The following TGM3 variants were observed in gnomAD, a reference collection of about 807,000 sequenced individuals.
TGM3 encodes the protein protein-glutamine gamma-glutamyltransferase E.
A neutral mutation model predicts 73.8 loss-of-function variants in TGM3; 52 were observed. That is an observed-to-expected ratio of 0.70 (90% CI 0.56 to 0.89). The LOEUF (loss-of-function observed/expected upper bound fraction) is 0.89. Ranked by LOEUF, TGM3 falls within the 40% of genes least tolerant of loss-of-function variation. The probability of loss-of-function intolerance (pLI) is 0.00; values close to 1 mark genes in which losing one functional copy is unlikely to be tolerated. For missense variants in TGM3, 928 were observed against 909.9 expected (o/e 1.02, Z -0.26); for synonymous variants, 372 against 354.9 (o/e 1.05, Z -0.54).
intron 5 of TGM3, among the ~76,000 whole-genome samples, chr20:2,315,567 A>T (rs214812): frequency 0.67 from 101,448 of 152,206 alleles, 37,894 homozygotes; most frequent in East Asian, 0.96. Context: ...CCATTCTCAT[A>T]GGCCTTGCCA....
intron 5 of TGM3, among the ~76,000 whole-genome samples, chr20:2,316,754 C>T (rs971540261): frequency 6.6e-6 from 1 of 152,130 alleles, no homozygotes; most frequent in African/African-American, 2.4e-5. Context: ...GAGTTGTGCC[C>T]TGCCTTGCCA....
intron 12 of TGM3, among the ~76,000 whole-genome samples, 190 bp from the exon 13 acceptor site, chr20:2,340,244 C>T (rs777576586): frequency 2.6e-5 from 4 of 152,188 alleles, no homozygotes; most frequent in Non-Finnish European, 4.4e-5. Flanking sequence ...GGACCCCCCC[C>T]TCCTGCTTCC....
chr20:2,309,159 G>A (rs536764752), intron 1 of TGM3, among the ~76,000 whole-genome samples: 10 of 152,318 alleles, frequency 6.6e-5, no homozygotes, highest in East Asian at 1.9e-4. Context: ...GATTACTGGC[G>A]TGAGCCACCA....
At position 2,311,191 on chromosome 20, in the gene TGM3, G is replaced by A. The variant is rs2084201830; in HGVS notation, c.540+62G>A. On this transcript the variant is annotated intron_variant, in intron 4 of 12. Coordinates refer to ENST00000381458, the MANE Select transcript of TGM3 (RefSeq NM_003245.4). ...TGTTACCCAAGAAGCTCAGCAGCTT[G>A]CCCCACAGATCAATGGGAAGTCCCA... 20 of 1,365,506 alleles carry A rather than the reference G, an allele frequency of 1.5e-5. No homozygotes were observed. The Admixed American group carries it at 2.2e-4, about 15-fold the overall frequency. 84.6% of individuals were successfully genotyped at this position (1,365,506 alleles called of 1,614,324 possible).
intron 7 of TGM3, among the ~76,000 whole-genome samples, chr20:2,320,684 C>G (rs772057347): frequency 1.3e-5 from 2 of 152,192 alleles, no homozygotes; most frequent in African/African-American, 4.8e-5. Context: ...GGAGTATTCA[C>G]TCTCTTCAGA....
chr20:2,332,163 G>C lies in TGM3; in HGVS notation c.1495G>C (p.Val499Leu), dbSNP rs966974324. The C allele has an allele frequency of 6.2e-7, 1 of 1,614,066 alleles. No homozygotes were observed. The highest frequency in any genetic ancestry group is 1.3e-5 in the African/African-American group (1 of 74,934). ...VAGMLAVGKEVNLVLLLKNLS... is the reference protein window; with the variant it reads ...VAGMLAVGKELNLVLLLKNLS... ...TGGCATGCTGGCAGTAGGCAAAGAAGTCAACCTGGTCCTACTGCTCAAAAA... is the reference window on the plus strand; with the variant it reads ...TGGCATGCTGGCAGTAGGCAAAGAACTCAACCTGGTCCTACTGCTCAAAAA... The change falls in exon 10 of 13, where the codon GTC (valine) becomes CTC (leucine). Residue 499 changes from valine (V) to leucine (L), a missense_variant. Val to Leu is a conservative substitution (Grantham distance 32). Coordinates refer to ENST00000381458, the MANE Select transcript of TGM3 (RefSeq NM_003245.4). This position sits in a 1 kb window ranked among gnomAD's most constrained non-coding sequence, Gnocchi z 4.4.
At position 2,317,182 on chromosome 20, in the gene TGM3, A is replaced by C. The variant is rs2084238898; in HGVS notation, c.784A>C (p.Lys262Gln). The stretch of plus-strand genomic sequence containing the variant: ...CGTGGAGATCCTCAAAAATTGGAAA[A>C]AATCTGGCTTCAGCCCAGTCCGATA... Reference protein sequence around the residue: ...GSVEILKNWKKSGFSPVRYGQ... With the variant: ...GSVEILKNWKQSGFSPVRYGQ... The change falls in exon 6 of 13, where the codon AAA becomes CAA. Residue 262 changes from lysine to glutamine, a missense_variant. Physicochemically the swap from Lys to Gln is moderately conservative, Grantham distance 53. Transcript: ENST00000381458. The C allele has an allele frequency of 1.9e-6, 3 of 1,614,010 alleles. No homozygotes were observed. The highest frequency in any genetic ancestry group is 2.5e-6 in the Non-Finnish European group (3 of 1,180,032).
rs1180522699 is a variant in TGM3, at chr20:2,340,922, A to C, written c.*341A>C. 1 of 488,402 alleles carries C rather than the reference A, an allele frequency of 2.0e-6. No individual in the cohort carries two copies. The highest frequency in any genetic ancestry group is 2.3e-5 in the Admixed American group (1 of 43,446). The allele number at this position is 488,402 out of a possible 1,614,324, so 30.3% of individuals were successfully genotyped here. On this transcript the variant is annotated 3_prime_UTR_variant, in exon 13 of 13. Transcript: ENST00000381458. ...CCCAGGGACTCTCCAAACGGGATAC[A>C]GGAGAGAAGCTGGTCTAGACTGTTT... is the stretch of plus-strand genomic sequence containing the variant.
At chr20:2,311,821 C>T (rs1034478319) in intron 4 of TGM3, among the ~76,000 whole-genome samples, 3 of 151,922 alleles carry the variant, frequency 2.0e-5, no homozygotes, top group Non-Finnish European at 4.4e-5. Context: ...GGAAGAGAGG[C>T]TATTTTTTTT....
intron 10 of TGM3, 70 bp from the exon 11 acceptor site, chr20:2,335,046 T>C: frequency 2.5e-6 from 4 of 1,579,140 alleles, no homozygotes; most frequent in Non-Finnish European, 3.5e-6. Context: ...TGGCTTGGCA[T>C]CTGTTCTGAG....
At chr20:2,320,513 A>G (rs2084256743) in intron 7 of TGM3, among the ~76,000 whole-genome samples, 1 of 152,202 alleles carries the variant, frequency 6.6e-6, no homozygotes, top group African/African-American at 2.4e-5. Flanking sequence ...CCTTTGCTAC[A>G]CCTCAATTTC....
At position 2,317,220 on chromosome 20, in the gene TGM3, G is replaced by T; in HGVS notation, c.822G>T (p.Trp274Cys). ...GFSPVRYGQCWVFAGTLNTAL... is the reference protein window; with the variant it reads ...GFSPVRYGQCCVFAGTLNTAL... ...GCCCAGTCCGATATGGCCAGTGCTG[G>T]GTCTTTGCTGGGACCCTCAACACAG... Residue 274 changes from tryptophan (W) to cysteine (C), a missense_variant, in exon 6 of 13, where the codon TGG (tryptophan) becomes TGT (cysteine). Physicochemically the swap from Trp to Cys is radical, Grantham distance 215. Transcript: ENST00000381458. 6.2e-7 allele frequency: 1 copy of T among 1,614,140 alleles called. No homozygotes were observed. The highest frequency in any genetic ancestry group is 8.5e-7 in the Non-Finnish European group (1 of 1,180,032).
intron 1 of TGM3, among the ~76,000 whole-genome samples, chr20:2,297,740 C>T (rs1360815155): frequency 6.6e-6 from 1 of 152,172 alleles, no homozygotes; most frequent in African/African-American, 2.4e-5. Flanking sequence ...GTCACTCAGC[C>T]AGGAAGTTCC....
At chr20:2,313,134 A>T in intron 5 of TGM3, 108 bp downstream of exon 5, 1 of 1,468,456 alleles carries the variant, frequency 6.8e-7, no homozygotes, top group Non-Finnish European at 9.3e-7. Context: ...AAGCCTCACC[A>T]ATTACAGCTG....
At chr20:2,338,762 A>G (rs1309396292) in intron 11 of TGM3, among the ~76,000 whole-genome samples, 1 of 152,238 alleles carries the variant, frequency 6.6e-6, no homozygotes, top group Non-Finnish European at 1.5e-5. Context: ...CAAAAGAAGA[A>G]GAAATCCAAT....
chr20:2,299,915 C>T (rs6075897), intron 1 of TGM3, among the ~76,000 whole-genome samples: 17,246 of 151,976 alleles, frequency 0.11, 1,094 homozygotes, highest in Middle Eastern at 0.26. Flanking sequence ...CTGGCCAATA[C>T]GACAAAATCT....
chr20:2,314,784 C>T (rs982952063), intron 5 of TGM3, among the ~76,000 whole-genome samples: 2 of 152,168 alleles, frequency 1.3e-5, no homozygotes, highest in African/African-American at 4.8e-5. Context: ...TAAGTAATTA[C>T]CCAGAAATCC....
chr20:2,317,967 T>TATATATATA (rs2084244536), intron 7 of TGM3, among the ~76,000 whole-genome samples: 1 of 148,344 alleles, frequency 6.7e-6, no homozygotes, highest in African/African-American at 2.5e-5. Context: ...TATACACCTA[T>TATATATATA]TGTATACCTT....
intron 12 of TGM3, 58 bp downstream of exon 12, chr20:2,340,045 C>G: frequency 6.6e-7 from 1 of 1,505,740 alleles, no homozygotes; most frequent in Non-Finnish European, 9.0e-7. Flanking sequence ...GGGGGGCCCT[C>G]CAGATCCCCT....
Sources: gnomAD v4.1 joint callset for allele counts (sites outside exome capture counted in the v4.1 genomes callset) on GRCh38, gnomAD v4.1.1 for gene constraint, Gnocchi (gnomAD v3.1) non-coding constraint, MANE v1.5 for transcripts, NCBI Gene and HGNC (gene_info 2026-07-23, HGNC 2026-07-21) for gene names.